ADAM10: variants seen among roughly 807,000 people sequenced by gnomAD.
ADAM10 encodes the protein ADAM metallopeptidase domain 10.
Under a neutral mutation model 90.1 loss-of-function variants are expected in ADAM10, and 17 were observed. The ratio of observed to expected loss-of-function variants is 0.19; its 90% confidence interval spans 0.13 to 0.28. The LOEUF (loss-of-function observed/expected upper bound fraction) is 0.28, where lower values mean the gene tolerates loss of function less well. Among genes scored for constraint, ADAM10 ranks in the 10% least tolerant of loss-of-function variants. The probability of loss-of-function intolerance (pLI) is 1.00; values close to 1 mark genes in which losing one functional copy is unlikely to be tolerated. For missense variants in ADAM10, 610 were observed against 914.3 expected (o/e 0.67, Z 4.29); for synonymous variants, 310 against 298.6 (o/e 1.04, Z -0.40).
intron 2 of ADAM10, among the ~76,000 whole-genome samples, chr15:58,686,164 A>G (rs1451076891): frequency 6.6e-6 from 1 of 152,206 alleles, no homozygotes; most frequent in African/African-American, 2.4e-5. Context: ...AGACTCCACA[A>G]AGGTGGGCCC....
Position 58,597,145 on chromosome 15 carries a change from C to T in ADAM10, c.*402G>A, listed in dbSNP as rs200652268. On this transcript the variant is annotated 3_prime_UTR_variant, in exon 16 of 16. Coordinates refer to ENST00000260408, the MANE Select transcript of ADAM10 (RefSeq NM_001110.4). Reference sequence around the variant, plus strand: ...GTGATGTCTCCAATGTTGAGGTGGTCGAGCCTCCTAGCCTTGATTGGCAGT... The same window carrying T: ...GTGATGTCTCCAATGTTGAGGTGGTTGAGCCTCCTAGCCTTGATTGGCAGT... 1.3e-5 allele frequency: 6 copies of T among 447,802 alleles called. No individual in the cohort carries two copies. The highest frequency in any genetic ancestry group is 2.4e-5 in the Non-Finnish European group (6 of 246,938). 27.7% of individuals were successfully genotyped at this position (447,802 alleles called of 1,614,324 possible). A position where few individuals can be genotyped will look rare whatever the true frequency, so the allele number is the denominator to read the frequency against.
rs555773629 is a variant in ADAM10, at chr15:58,739,172, A to C, written c.55+10308T>G. 4.6e-5 allele frequency among the ~76,000 whole-genome samples: 7 copies of C among 152,290 alleles called. No individual in the cohort carries two copies. The East Asian group carries it at 1.3e-3, about 29-fold the overall frequency. ...CTAAGAGATTTCTGCTACTGGATGG[A>C]TACAAGTGAATTTTATGGGCTACCA... On this transcript the variant is annotated intron_variant, in intron 1 of 15. Transcript: ENST00000260408.
intron 14 of ADAM10, chr15:58,609,548 T>C (rs1367840829): frequency 6.5e-6 from 1 of 153,256 alleles, no homozygotes; most frequent in African/African-American, 2.4e-5. Context: ...ACATACACAC[T>C]AATTTGAGAA....
intron 2 of ADAM10, chr15:58,686,496 C>G: frequency 1.4e-6 from 2 of 1,422,848 alleles, no homozygotes; most frequent in Non-Finnish European, 2.0e-6. Context: ...ATCAATGTCT[C>G]TCAGGCAGCC....
At chr15:58,710,169 C>T (rs1170887441) in intron 2 of ADAM10, among the ~76,000 whole-genome samples, 1 of 152,134 alleles carries the variant, frequency 6.6e-6, no homozygotes, top group African/African-American at 2.4e-5. Context: ...GTCCCAGCTA[C>T]TCGGGAGGCT....
intron 1 of ADAM10, among the ~76,000 whole-genome samples, chr15:58,720,558 C>G (rs546743628): frequency 2.0e-5 from 3 of 151,800 alleles, no homozygotes; most frequent in Non-Finnish European, 4.4e-5. Flanking sequence ...CCTGCCACCA[C>G]GCCCGGCTAA....
At chr15:58,615,788 A>C (rs1216410087) in intron 11 of ADAM10, among the ~76,000 whole-genome samples, 1 of 152,128 alleles carries the variant, frequency 6.6e-6, no homozygotes, top group African/African-American at 2.4e-5. Flanking sequence ...CGGGCAGATC[A>C]CCTGAGGTCA....
At chr15:58,609,049 G>A (rs1359040949) in intron 14 of ADAM10, 1 of 152,078 alleles carries the variant, frequency 6.6e-6, no homozygotes. Flanking sequence ...GAAGGGCCAA[G>A]AAAGGTAAGC....
rs1898955943 is a variant in ADAM10 at position 58,724,203 on chromosome 15, A to G, written c.56-6476T>C. On this transcript the variant is annotated intron_variant, in intron 1 of 15. Transcript: ENST00000260408. ...AAAAAAAAAAAAGAAAGAAATTCAT[A>G]TTAATTTTCCTTAGTACAACAACAT... Among the ~76,000 whole-genome samples the G allele has an allele frequency of 2.0e-5, 3 of 152,144 alleles. No individual in the cohort carries two copies. In the South Asian group the frequency reaches 6.2e-4, roughly 32 times the overall value.
intron 5 of ADAM10, among the ~76,000 whole-genome samples, chr15:58,654,882 A>G (rs1896771279): frequency 6.6e-6 from 1 of 152,204 alleles, no homozygotes; most frequent in African/African-American, 2.4e-5. Flanking sequence ...AATTTTTTGA[A>G]TGTTTGAAGA....
chr15:58,609,020 T>C (rs994151889), intron 14 of ADAM10: 2 of 151,514 alleles, frequency 1.3e-5, no homozygotes, highest in Non-Finnish European at 2.9e-5. Flanking sequence ...GAAAAAAAAA[T>C]AGCTGAGTTG....
intron 11 of ADAM10, among the ~76,000 whole-genome samples, chr15:58,618,983 A>C (rs1895700709): frequency 6.6e-6 from 1 of 152,202 alleles, no homozygotes; most frequent in Non-Finnish European, 1.5e-5. Context: ...TAGATCTACT[A>C]TATGATCCAG....
At chr15:58,683,841 CA>C (rs1412771928) in intron 2 of ADAM10, among the ~76,000 whole-genome samples, 5 of 96,528 alleles carry the variant, frequency 5.2e-5, no homozygotes, top group Non-Finnish European at 9.5e-5. Context: ...GCCTGGGTGA[CA>C]AAGTGAGGCT....
chr15:58,655,013 G>C (rs1002302549), intron 5 of ADAM10, among the ~76,000 whole-genome samples: 1 of 152,152 alleles, frequency 6.6e-6, no homozygotes, highest in African/African-American at 2.4e-5. Context: ...AGGTCCATTT[G>C]TTCTATACTG....
intron 1 of ADAM10, among the ~76,000 whole-genome samples, chr15:58,721,136 C>T (rs905168333): frequency 1.3e-5 from 2 of 152,200 alleles, no homozygotes; most frequent in African/African-American, 4.8e-5. Flanking sequence ...ATTTACACAG[C>T]TGAAATTCTA....
At chr15:58,717,123 C>T (rs1477018165) in intron 2 of ADAM10, among the ~76,000 whole-genome samples, 1 of 150,966 alleles carries the variant, frequency 6.6e-6, no homozygotes, top group Non-Finnish European at 1.5e-5. Context: ...TATCACTTAA[C>T]AATTCTGTTT....
rs1318153877 is a variant in ADAM10, at chr15:58,594,231, T to TC, written c.*3315dup. 1 of 152,196 alleles carries TC rather than the reference T, an allele frequency of 6.6e-6. No homozygotes were observed. Among genetic ancestry groups the TC allele is most frequent in the Non-Finnish European group, 1.5e-5 (1 of 68,030 alleles). The allele number at this position is 152,196 out of a possible 1,614,324, so 9.4% of individuals were successfully genotyped here. A position where few individuals can be genotyped will look rare whatever the true frequency, so the allele number is the denominator to read the frequency against. Reference sequence around the variant, plus strand: ...GGATAATGAATATCTCTTCTTGTACTCCTCCAGGTGAACTGTCCAGGTTTG... The same window carrying TC: ...GGATAATGAATATCTCTTCTTGTACTCCCTCCAGGTGAACTGTCCAGGTTTG... On this transcript the variant is annotated 3_prime_UTR_variant, in exon 16 of 16. Coordinates refer to ENST00000260408, the MANE Select transcript of ADAM10 (RefSeq NM_001110.4).
At chr15:58,682,377 ATTTT>A in intron 2 of ADAM10, 63 bp from the exon 3 acceptor site, 1 of 1,566,712 alleles carries the variant, frequency 6.4e-7, no homozygotes, top group South Asian at 1.2e-5. Flanking sequence ...TTAAACAATT[ATTTT>A]TTATTTTAAA....
At position 58,635,728 on chromosome 15, in the gene ADAM10, C is replaced by T. The variant is rs142763900; in HGVS notation, c.1013-2369G>A. 5.0e-3 allele frequency among the ~76,000 whole-genome samples: 760 copies of T among 151,452 alleles called. 6 individuals are homozygous for T. The highest frequency in any genetic ancestry group is 8.6e-3 in the Admixed American group (131 of 15,216). On this transcript the variant is annotated intron_variant, in intron 8 of 15. Transcript: ENST00000260408. Reference sequence around the variant, plus strand: ...AAGATTTGTCATGTGCAAATTGGTCCAATGCAGTACTGTCAAACTTGAATT... The same window carrying T: ...AAGATTTGTCATGTGCAAATTGGTCTAATGCAGTACTGTCAAACTTGAATT...
Sources: allele counts gnomAD v4.1 joint callset (sites outside exome capture counted in the v4.1 genomes callset), GRCh38; gene constraint gnomAD v4.1.1; transcripts MANE v1.5; gene names NCBI Gene and HGNC (gene_info 2026-07-23, HGNC 2026-07-21).